The following CCPG1 variants were observed in gnomAD, a reference collection of about 807,000 sequenced individuals.
CCPG1 encodes cell cycle progression 1, also known as cell cycle progression protein 1.
Under a neutral mutation model 81.3 loss-of-function variants are expected in CCPG1, and 46 were observed. The ratio of observed to expected loss-of-function variants is 0.57; its 90% CI spans 0.45 to 0.72. The LOEUF is 0.72. Ranked by LOEUF, CCPG1 falls within the 30% of genes least tolerant of loss-of-function variation. The pLI is 0.00. For synonymous variants in CCPG1, 330 were observed against 305.2 expected, an observed-to-expected ratio of 1.08 and a Z score of -0.85; for missense variants, 902 against 937.6, an observed-to-expected ratio of 0.96 and a Z score of 0.50.
chr15:55,402,935 G>A (rs1226391763), intron 1 of CCPG1, among the ~76,000 whole-genome samples: 2 of 152,194 alleles, frequency 1.3e-5, no homozygotes, highest in Non-Finnish European at 2.9e-5. Flanking sequence ...GCAACAGAGT[G>A]CAAAGTCACA....
intron 1 of CCPG1, among the ~76,000 whole-genome samples, chr15:55,400,378 C>A (rs896226275): frequency 6.6e-6 from 1 of 150,908 alleles, no homozygotes; most frequent in Non-Finnish European, 1.5e-5. Flanking sequence ...CATGATGGTG[C>A]GTGCCTGTAA....
rs147128684 is a variant in CCPG1 at position 55,375,545 on chromosome 15, G to T, written c.454+1404C>A. Among the ~76,000 whole-genome samples the T allele has an allele frequency of 1.3e-3, 197 of 152,274 alleles. 2 individuals are homozygous for T. Among genetic ancestry groups the T allele is most frequent in the African/African-American group, 4.5e-3 (189 of 41,552 alleles). On this transcript the variant is annotated intron_variant, in intron 5 of 8. Transcript: ENST00000442196. ...TATGAATGCTATTCTAACAAAGCCTGAAGTTTTCCTCTGAACATCAAGAAT... is the reference window on the plus strand; with the variant it reads ...TATGAATGCTATTCTAACAAAGCCTTAAGTTTTCCTCTGAACATCAAGAAT...
At chr15:55,358,726 G>C (rs1325873090) in intron 8 of CCPG1, 3 of 985,266 alleles carry the variant, frequency 3.0e-6, no homozygotes, top group Non-Finnish European at 3.6e-6. Flanking sequence ...TACTTAGCTT[G>C]TGAGCTCCTT....
At chr15:55,406,972 T>C (rs2057238663) in intron 1 of CCPG1, among the ~76,000 whole-genome samples, 1 of 149,088 alleles carries the variant, frequency 6.7e-6, no homozygotes, top group South Asian at 2.1e-4. Flanking sequence ...CCCAGCACTC[T>C]GGGAGGCCGA....
intron 5 of CCPG1, among the ~76,000 whole-genome samples, chr15:55,373,530 G>A (rs2056497600): frequency 6.6e-6 from 1 of 152,174 alleles, no homozygotes; most frequent in Non-Finnish European, 1.5e-5. Flanking sequence ...CTAATATTTA[G>A]TGATACAGAT....
In CCPG1 at chr15:55,407,037, A is replaced by ACCC. The variant is rs751198168; in HGVS notation, c.-10+1181_-10+1183dup. On this transcript the variant is annotated intron_variant, in intron 1 of 8. Coordinates refer to ENST00000442196, the MANE Select transcript of CCPG1 (RefSeq NM_001204450.2). ...AGACCAGCCTGGCCGACACGTTGAG[A>ACCC]CCCCCCCCCCCGCCCCGCCGTCTCT... is the stretch of plus-strand genomic sequence containing the variant. Among the ~76,000 whole-genome samples, 147 of 112,678 alleles carry ACCC rather than the reference A, an allele frequency of 1.3e-3. 18 individuals are homozygous for ACCC. The highest frequency in any genetic ancestry group is 4.2e-3 in the African/African-American group (92 of 21,878). 73.9% of individuals were successfully genotyped at this position (112,678 alleles called of 152,430 possible).
intron 5 of CCPG1, chr15:55,374,131 G>A: frequency 8.0e-7 from 1 of 1,248,904 alleles, no homozygotes; most frequent in Non-Finnish European, 1.1e-6. Flanking sequence ...CTCTAGAGAA[G>A]CTGGTCAGAT....
intron 3 of CCPG1, among the ~76,000 whole-genome samples, chr15:55,385,187 A>T (rs1009953416): frequency 2.6e-5 from 4 of 152,166 alleles, no homozygotes; most frequent in African/African-American, 9.6e-5. Context: ...TTTGTTTTAA[A>T]TGGAGTCTCA....
chr15:55,391,893 G>GA (rs2056923026), intron 1 of CCPG1, among the ~76,000 whole-genome samples: 1 of 112,736 alleles, frequency 8.9e-6, no homozygotes, highest in African/African-American at 2.9e-5. Context: ...AAAAAGGGGG[G>GA]GGGGGGCTAG....
At position 55,395,971 on chromosome 15, in the gene CCPG1, T is replaced by C. The variant is rs149047324; in HGVS notation, c.-9-6538A>G. On this transcript the variant is annotated intron_variant, in intron 1 of 8. Coordinates refer to ENST00000442196, the MANE Select transcript of CCPG1 (RefSeq NM_001204450.2). ...GAGTTAAAGACCAACCTGGCCAACA[T>C]AGTGAAACCCCATCTCTACTAAAAA... Among the ~76,000 whole-genome samples the C allele has an allele frequency of 7.2e-4, 110 of 152,062 alleles. 1 individual carries two copies. Among genetic ancestry groups the C allele is most frequent in the Middle Eastern group, 3.4e-3 (1 of 294 alleles).
intron 3 of CCPG1, among the ~76,000 whole-genome samples, chr15:55,381,220 G>A (rs933494331): frequency 6.6e-6 from 1 of 151,842 alleles, no homozygotes; most frequent in Non-Finnish European, 1.5e-5. Flanking sequence ...CTGATCAGGA[G>A]GTCAGGAGTT....
At chr15:55,375,837 T>C (rs925107745) in intron 5 of CCPG1, among the ~76,000 whole-genome samples, 1 of 151,902 alleles carries the variant, frequency 6.6e-6, no homozygotes, top group Non-Finnish European at 1.5e-5. Flanking sequence ...TGGGACCACA[T>C]GCGCACGCCA....
intron 6 of CCPG1, among the ~76,000 whole-genome samples, chr15:55,368,167 G>C (rs1375779492): frequency 2.6e-5 from 4 of 152,108 alleles, no homozygotes; most frequent in African/African-American, 9.7e-5. Flanking sequence ...ATGGATTTTG[G>C]TATGGGGGTG....
Position 55,377,187 on chromosome 15 carries a change from A to AATCATTTTTTTTTTTTTTTTT in CCPG1, c.253-38_253-37insAAAAAAAAAAAAAAAAATGAT, listed in dbSNP as rs2056584369. 2.8e-6 allele frequency: 4 copies of AATCATTTTTTTTTTTTTTTTT among 1,451,762 alleles called. No homozygotes were observed. In the South Asian group the frequency reaches 4.6e-5, roughly 17 times the overall value. 89.9% of individuals were successfully genotyped at this position (1,451,762 alleles called of 1,614,324 possible). A position where few individuals can be genotyped will look rare whatever the true frequency, so the allele number is the denominator to read the frequency against. On this transcript the variant is annotated intron_variant, in intron 4 of 8. Coordinates refer to ENST00000442196, the MANE Select transcript of CCPG1 (RefSeq NM_001204450.2). ...TAATTTTAGAGATGGTAAGTTCAAC[A>AATCATTTTTTTTTTTTTTTTT]ATCATTTAAGGGTCTTACATTTTCT...
rs981463185 is a variant in CCPG1 at position 55,360,921 on chromosome 15, C to T, written c.852G>A (p.Arg284=). ...DYKSLKENLA[R]CWTLTEAEKM... ...TCTCTGCTTCAGTAAGTGTCCAACA[C>T]CTTGCAAGATTTTCTTTCAATGACT... Residue 284 remains arginine (R), a synonymous_variant, in exon 8 of 9, where the codon AGG becomes AGA. Transcript: ENST00000442196. The T allele has an allele frequency of 6.5e-6, 10 of 1,546,008 alleles. No individual in the cohort carries two copies. The highest frequency in any genetic ancestry group is 8.7e-6 in the Non-Finnish European group (10 of 1,151,362).
chr15:55,357,057 T>C, intron 8 of CCPG1: 1 of 985,522 alleles, frequency 1.0e-6, no homozygotes. Context: ...ACCCCATGGA[T>C]GTTGGTGTTC....
At chr15:55,400,271 G>C (rs1324306861) in intron 1 of CCPG1, among the ~76,000 whole-genome samples, 2 of 147,898 alleles carry the variant, frequency 1.4e-5, no homozygotes, top group East Asian at 2.0e-4. Context: ...AGCACTTTGG[G>C]AGGCCGAAGT....
Position 55,395,549 on chromosome 15 carries a change from G to C in CCPG1, c.-9-6116C>G, listed in dbSNP as rs1345100206. On this transcript the variant is annotated intron_variant, in intron 1 of 8. Transcript: ENST00000442196. ...CTTCTCAGTTCCCCTCAAAATGCTT[G>C]GCTTTGTCTTTACTCCAGGGCTTTA... 2.0e-5 allele frequency among the ~76,000 whole-genome samples: 3 copies of C among 151,964 alleles called. No homozygotes were observed. In the East Asian group the frequency reaches 5.8e-4, roughly 29 times the overall value.
intron 7 of CCPG1, among the ~76,000 whole-genome samples, chr15:55,362,073 T>G (rs1451144251): frequency 6.6e-6 from 1 of 152,200 alleles, no homozygotes; most frequent in Non-Finnish European, 1.5e-5. Context: ...TTATAGAATT[T>G]TACTGCTTCA....
Sources: gnomAD v4.1 joint callset for allele counts (sites outside exome capture counted in the v4.1 genomes callset) on GRCh38, gnomAD v4.1.1 for gene constraint, MANE v1.5 for transcripts, NCBI Gene and HGNC (gene_info 2026-07-23, HGNC 2026-07-21) for gene names.